Variants in MAMDC2 observed in about 807,000 individuals in gnomAD.
MAMDC2 encodes the protein MAM domain-containing protein 2.
A neutral mutation model predicts 89.8 loss-of-function variants in MAMDC2; 57 were observed. The ratio of observed to expected loss-of-function variants is 0.63; its 90% CI spans 0.51 to 0.79. The LOEUF (loss-of-function observed/expected upper bound fraction) is 0.79, where lower values mean the gene tolerates loss of function less well. Among genes scored for constraint, MAMDC2 ranks in the 30% least tolerant of loss-of-function variants. The pLI, the probability that MAMDC2 is intolerant of heterozygous loss-of-function variation, is 0.00. For missense variants in MAMDC2, 800 were observed against 820.6 expected (o/e 0.97, Z 0.31); for synonymous variants, 313 against 293.4 (o/e 1.07, Z -0.68).
At chr9:70,077,393 T>C (rs919296844) in intron 2 of MAMDC2, among the ~76,000 whole-genome samples, 14 of 152,208 alleles carry the variant, frequency 9.2e-5, no homozygotes, top group African/African-American at 3.4e-4. Context: ...AATAGAGCTT[T>C]CTGTGATAAT....
chr9:70,168,034 T>C (rs2032223237), intron 9 of MAMDC2, among the ~76,000 whole-genome samples: 1 of 152,234 alleles, frequency 6.6e-6, no homozygotes, highest in Non-Finnish European at 1.5e-5. Context: ...AGTCTATATG[T>C]ACTTTGTGGA....
chr9:70,081,699 G>A (rs375495559), intron 2 of MAMDC2: 1 of 152,104 alleles, frequency 6.6e-6, no homozygotes, highest in African/African-American at 2.4e-5. Context: ...GACTTCTCTT[G>A]AAGTCTTGGT....
chr9:70,057,693 T>C (rs1409323927), intron 2 of MAMDC2, among the ~76,000 whole-genome samples: 1 of 152,168 alleles, frequency 6.6e-6, no homozygotes, highest in Non-Finnish European at 1.5e-5. Context: ...CTTGGAGAAA[T>C]AGATAATATT....
At chr9:70,107,207 A>G (rs1032740063) in intron 2 of MAMDC2, among the ~76,000 whole-genome samples, 5 of 152,312 alleles carry the variant, frequency 3.3e-5, no homozygotes, top group African/African-American at 9.6e-5. Context: ...CCAGATGGCC[A>G]GAGGTGGGTT....
chr9:70,149,598 C>T (rs973381516), intron 9 of MAMDC2, among the ~76,000 whole-genome samples: 1 of 152,132 alleles, frequency 6.6e-6, no homozygotes, highest in Non-Finnish European at 1.5e-5. Flanking sequence ...ATTAACAAGC[C>T]GAGTGCTGTC....
chr9:70,139,076 G>A (rs2031102760), intron 7 of MAMDC2, among the ~76,000 whole-genome samples: 1 of 151,648 alleles, frequency 6.6e-6, no homozygotes, highest in African/African-American at 2.4e-5. Context: ...AGAAGTATAT[G>A]AATAAACATT....
rs751447758 is a variant in MAMDC2 at position 70,226,068 on chromosome 9, A to G, written c.*36A>G. ...GCATTGGATTTACTAGACGAAAACC[A>G]TACCTCTCTTCAATCAAAATGAAAA... On this transcript the variant is annotated 3_prime_UTR_variant, in exon 14 of 14. Transcript: ENST00000377182. 7 of 1,197,240 alleles carry G rather than the reference A, an allele frequency of 5.8e-6. No homozygotes were observed. Among genetic ancestry groups the G allele is most frequent in the East Asian group, 2.4e-5 (1 of 41,766 alleles). 74.2% of individuals were successfully genotyped at this position (1,197,240 alleles called of 1,614,324 possible).
chr9:70,109,668 G>A (rs1197682716), intron 3 of MAMDC2, 52 bp from the exon 4 acceptor site: 4 of 1,428,728 alleles, frequency 2.8e-6, no homozygotes. Context: ...CTGAACCAAG[G>A]AAACATGATG....
chr9:70,055,953 C>T (rs1827016156), intron 2 of MAMDC2, among the ~76,000 whole-genome samples: 1 of 152,158 alleles, frequency 6.6e-6, no homozygotes, highest in Admixed American at 6.5e-5. Flanking sequence ...GGTACTTCTT[C>T]ATTCTATTAC....
At chr9:70,082,387 G>C (rs1023051618) in intron 2 of MAMDC2, among the ~76,000 whole-genome samples, 21 of 152,008 alleles carry the variant, frequency 1.4e-4, no homozygotes, top group Admixed American at 1.1e-3. Context: ...AAATTCATTA[G>C]GTAAAAAAAC....
chr9:70,074,261 G>C (rs1827477443), intron 2 of MAMDC2, among the ~76,000 whole-genome samples: 1 of 152,178 alleles, frequency 6.6e-6, no homozygotes, highest in African/African-American at 2.4e-5. Flanking sequence ...TAATTTTTAA[G>C]GGCATTTCCT....
At chr9:70,133,339 G>A (rs1317369325) in intron 7 of MAMDC2, among the ~76,000 whole-genome samples, 4 of 152,214 alleles carry the variant, frequency 2.6e-5, no homozygotes, top group Non-Finnish European at 4.4e-5. Flanking sequence ...GAGAATTTGT[G>A]TGAGCTCTTT....
chr9:70,144,411 C>T (rs1587510911), intron 9 of MAMDC2, among the ~76,000 whole-genome samples: 1 of 152,096 alleles, frequency 6.6e-6, no homozygotes, highest in South Asian at 2.1e-4. Flanking sequence ...ATCTTTATTG[C>T]AAGGGGAATG....
chr9:70,135,690 A>G (rs543460536), intron 7 of MAMDC2, among the ~76,000 whole-genome samples: 1 of 152,322 alleles, frequency 6.6e-6, no homozygotes, highest in East Asian at 1.9e-4. Context: ...AGGAAGATAC[A>G]GAGGTCTCTC....
chr9:70,053,948 T>C (rs565816352), intron 2 of MAMDC2, among the ~76,000 whole-genome samples: 1 of 152,176 alleles, frequency 6.6e-6, no homozygotes, highest in African/African-American at 2.4e-5. Flanking sequence ...GGGGATTAAG[T>C]TGGTAGGGCT....
At chr9:70,159,570 G>A (rs942448280) in intron 9 of MAMDC2, among the ~76,000 whole-genome samples, 9 of 152,192 alleles carry the variant, frequency 5.9e-5, no homozygotes, top group African/African-American at 2.2e-4. Flanking sequence ...TCTTCTTCAG[G>A]CCCAGGAGGG....
intron 9 of MAMDC2, among the ~76,000 whole-genome samples, chr9:70,147,591 C>T (rs577697805): frequency 1.3e-5 from 2 of 150,376 alleles, no homozygotes; most frequent in Admixed American, 6.7e-5. Context: ...TGACACCCCA[C>T]CATGTTAAAA....
At chr9:70,054,063 A>C (rs1826972355) in intron 2 of MAMDC2, among the ~76,000 whole-genome samples, 2 of 152,168 alleles carry the variant, frequency 1.3e-5, no homozygotes, top group East Asian at 3.9e-4. Flanking sequence ...GAGAGTTCCA[A>C]GAGGAACTTC....
At chr9:70,129,556 T>C (rs953522121) in intron 6 of MAMDC2, among the ~76,000 whole-genome samples, 5 of 152,208 alleles carry the variant, frequency 3.3e-5, no homozygotes, top group Non-Finnish European at 7.3e-5. Flanking sequence ...CAAGAAACTA[T>C]TCTATTCAGA....
Sources: gnomAD v4.1 joint callset for allele counts (sites outside exome capture counted in the v4.1 genomes callset) on GRCh38, gnomAD v4.1.1 for gene constraint, MANE v1.5 for transcripts, NCBI Gene and HGNC (gene_info 2026-07-23, HGNC 2026-07-21) for gene names.